Variants in KCNN3 observed in about 807,000 individuals in gnomAD.
The protein encoded by KCNN3 is small conductance calcium-activated potassium channel protein 3.
In KCNN3, 16 loss-of-function variants were observed where a neutral mutation model predicts 62.9. That is an observed-to-expected ratio of 0.25 (90% CI 0.17 to 0.39). The LOEUF is 0.39. Ranked by LOEUF, KCNN3 falls within the 10% of genes least tolerant of loss-of-function variation. KCNN3 has a pLI of 1.00. For synonymous variants in KCNN3, 370 were observed against 389.2 expected, an observed-to-expected ratio of 0.95 and a Z score of 0.58; for missense variants, 599 against 949.4, an observed-to-expected ratio of 0.63 and a Z score of 4.85.
intron 3 of KCNN3, among the ~76,000 whole-genome samples, chr1:154,746,832 C>T (rs1228993360): frequency 2.0e-5 from 3 of 152,222 alleles, no homozygotes; most frequent in Admixed American, 1.3e-4. Flanking sequence ...TTTGCACCCA[C>T]TGGGTGGCCA....
rs144038732 is a variant in KCNN3 at position 154,772,304 on chromosome 1, G to A, written c.1119C>T (p.Cys373=). 96 of 1,613,954 alleles carry A rather than the reference G, an allele frequency of 5.9e-5. No individual in the cohort carries two copies. Among genetic ancestry groups the A allele is most frequent in the Non-Finnish European group, 7.0e-5 (83 of 1,179,982 alleles). The stretch of plus-strand genomic sequence containing the variant: ...ACTCGCCAGGAATGGGGTGGATGGC[G>A]CACACCAGCATCTCCAGGCTGATGT... ...ILYISLEMLV[C]AIHPIPGEYK... The change falls in exon 3 of 8, where the codon TGC becomes TGT. Residue 373 remains cysteine, a synonymous_variant. Coordinates refer to ENST00000271915, the MANE Select transcript of KCNN3 (RefSeq NM_002249.6). The surrounding 1 kb of genome is among the most constrained non-coding windows in gnomAD (Gnocchi z 5.6).
chr1:154,725,792 C>T, intron 5 of KCNN3, 124 bp downstream of exon 5: 1 of 731,736 alleles, frequency 1.4e-6, no homozygotes, highest in Non-Finnish European at 2.4e-6. Flanking sequence ...ATCGACCCTC[C>T]TCAGCCTCCT....
chr1:154,827,381 A>G (rs1457408039), intron 1 of KCNN3, among the ~76,000 whole-genome samples: 2 of 152,136 alleles, frequency 1.3e-5, no homozygotes, highest in Non-Finnish European at 2.9e-5. Context: ...CCACATCAGC[A>G]CCAAGCCCTG....
intron 3 of KCNN3, among the ~76,000 whole-genome samples, chr1:154,756,556 T>C (rs990590932): frequency 5.3e-5 from 8 of 151,898 alleles, no homozygotes; most frequent in Non-Finnish European, 1.0e-4. Flanking sequence ...AGGGCCTTGG[T>C]GCAGTCTTCT....
chr1:154,781,293 C>T (rs759180804), intron 2 of KCNN3, among the ~76,000 whole-genome samples: 11 of 152,214 alleles, frequency 7.2e-5, no homozygotes, highest in African/African-American at 2.4e-5. Flanking sequence ...TCCCTGAGCA[C>T]GTCACCACTA....
chr1:154,837,104 CTT>C (rs34935250), intron 1 of KCNN3, among the ~76,000 whole-genome samples: 9 of 144,504 alleles, frequency 6.2e-5, no homozygotes, highest in Admixed American at 6.9e-5. Flanking sequence ...TTGTTTAAGC[CTT>C]TTTTTTTTTT....
chr1:154,796,049 G>A (rs775686132), intron 2 of KCNN3, among the ~76,000 whole-genome samples: 5 of 152,222 alleles, frequency 3.3e-5, no homozygotes, highest in Non-Finnish European at 7.3e-5. Context: ...GATGAGGTGA[G>A]GTGGTGCAGA....
intron 3 of KCNN3, among the ~76,000 whole-genome samples, chr1:154,763,077 A>G (rs1648094451): frequency 6.6e-6 from 1 of 152,178 alleles, no homozygotes; most frequent in African/African-American, 2.4e-5. Flanking sequence ...CTAGTAGAGA[A>G]AGCCCCCTCA....
chr1:154,773,586 C>T (rs1648664038), intron 2 of KCNN3, among the ~76,000 whole-genome samples: 1 of 152,166 alleles, frequency 6.6e-6, no homozygotes, highest in Admixed American at 6.5e-5. Context: ...GACAATCAGG[C>T]TTGAGTTATA....
At chr1:154,841,329 G>A (rs1008009970) in intron 1 of KCNN3, among the ~76,000 whole-genome samples, 10 of 152,286 alleles carry the variant, frequency 6.6e-5, no homozygotes, top group Admixed American at 3.3e-4. Flanking sequence ...CAAACCCTGG[G>A]ACAGTGGTTC....
intron 1 of KCNN3, chr1:154,859,917 C>T (rs1386474535): frequency 1.7e-6 from 2 of 1,194,778 alleles, no homozygotes; most frequent in East Asian, 2.6e-5. Flanking sequence ...ATAACAGATG[C>T]CAATTTGCAT....
intron 4 of KCNN3, among the ~76,000 whole-genome samples, chr1:154,727,188 C>G (rs1336005619): frequency 6.6e-6 from 1 of 152,196 alleles, no homozygotes; most frequent in Non-Finnish European, 1.5e-5. Flanking sequence ...CTGACCACCA[C>G]TCATGGAAAG....
At chr1:154,827,642 T>C (rs1188175008) in intron 1 of KCNN3, among the ~76,000 whole-genome samples, 2 of 151,928 alleles carry the variant, frequency 1.3e-5, no homozygotes, top group African/African-American at 4.8e-5. Flanking sequence ...CTACTAAAAA[T>C]ACAAAAATTA....
chr1:154,719,710 C>T (rs996763093), intron 5 of KCNN3, among the ~76,000 whole-genome samples: 1 of 152,140 alleles, frequency 6.6e-6, no homozygotes, highest in African/African-American at 2.4e-5. Context: ...GGGCTGGTTC[C>T]TCTTTCCCAT....
At chr1:154,816,496 T>A (rs942502772) in intron 2 of KCNN3, among the ~76,000 whole-genome samples, 1 of 152,218 alleles carries the variant, frequency 6.6e-6, no homozygotes, top group Admixed American at 6.5e-5. Context: ...TTGGCCTGGA[T>A]GTAGGGACGG....
chr1:154,760,758 A>C (rs1281145535), intron 3 of KCNN3, among the ~76,000 whole-genome samples: 1 of 152,148 alleles, frequency 6.6e-6, no homozygotes, highest in Non-Finnish European at 1.5e-5. Context: ...GCCTGCCTCG[A>C]TCACACGTCC....
In KCNN3 at chr1:154,703,692, G is replaced by A. The variant is rs1439818161; in HGVS notation, c.*4284C>T. 3 of 152,174 alleles carry A rather than the reference G, an allele frequency of 2.0e-5. No homozygotes were observed. The highest frequency in any genetic ancestry group is 2.0e-4 in the Admixed American group (3 of 15,282). The allele number at this position is 152,174 out of a possible 1,614,324, so 9.4% of individuals were successfully genotyped here. ...AGTTGCACTCTGGAGGAGGAGGAAGGTTCTGGAACTACGTGCTAATCCCAT... is the reference window on the plus strand; with the variant it reads ...AGTTGCACTCTGGAGGAGGAGGAAGATTCTGGAACTACGTGCTAATCCCAT... On this transcript the variant is annotated 3_prime_UTR_variant, in exon 8 of 8. Coordinates refer to ENST00000271915, the MANE Select transcript of KCNN3 (RefSeq NM_002249.6).
Position 154,707,458 on chromosome 1 carries a change from ATC to A in KCNN3, c.*516_*517del, listed in dbSNP as rs1213593700. 7.4e-6 allele frequency: 1 copy of A among 135,308 alleles called. No individual in the cohort carries two copies. Among genetic ancestry groups the A allele is most frequent in the Non-Finnish European group, 1.6e-5 (1 of 64,406 alleles). 8.4% of individuals were successfully genotyped at this position (135,308 alleles called of 1,614,324 possible). A position where few individuals can be genotyped will look rare whatever the true frequency, so the allele number is the denominator to read the frequency against. ...TTTTTTTTCAGTCTGATTCGAGTATATCTGTTTTGGCAAGTTGTGGGCAGCTC... is the reference window on the plus strand; with the variant it reads ...TTTTTTTTCAGTCTGATTCGAGTATATGTTTTGGCAAGTTGTGGGCAGCTC... On this transcript the variant is annotated 3_prime_UTR_variant, in exon 8 of 8. Coordinates refer to ENST00000271915, the MANE Select transcript of KCNN3 (RefSeq NM_002249.6).
intron 3 of KCNN3, among the ~76,000 whole-genome samples, chr1:154,741,710 TAAA>T (rs5777929): frequency 1.4e-5 from 2 of 145,532 alleles, no homozygotes; most frequent in Admixed American, 6.8e-5. Context: ...ACTAGTTTTG[TAAA>T]AAAAAAAAAA....
Sources: gnomAD v4.1 joint callset for allele counts (sites outside exome capture counted in the v4.1 genomes callset) on GRCh38, gnomAD v4.1.1 for gene constraint, Gnocchi (gnomAD v3.1) non-coding constraint, MANE v1.5 for transcripts, NCBI Gene and HGNC (gene_info 2026-07-23, HGNC 2026-07-21) for gene names.